MYL12A: variants seen among roughly 807,000 people sequenced by gnomAD.
MYL12A encodes the protein myosin regulatory light chain 12A.
In MYL12A, 11 loss-of-function variants were observed where a neutral mutation model predicts 13.3. The observed-to-expected ratio is 0.83, with a 90% CI of 0.52 to 1.37. MYL12A has a LOEUF of 1.37. Among genes scored for constraint, MYL12A ranks in the 40% most tolerant of loss-of-function variants. The probability of loss-of-function intolerance (pLI) is 0.00; values close to 1 mark genes in which losing one functional copy is unlikely to be tolerated. For synonymous variants in MYL12A, 51 were observed against 69.9 expected (o/e 0.73, Z 1.35); for missense variants, 146 against 212.3 (o/e 0.69, Z 1.94).
At chr18:3,252,810 G>T (rs764421766) in intron 1 of MYL12A, among the ~76,000 whole-genome samples, 37 of 152,010 alleles carry the variant, frequency 2.4e-4, no homozygotes, top group Non-Finnish European at 4.6e-4. Flanking sequence ...AGGAGATGAA[G>T]ACCTGTTCCA....
At chr18:3,252,926 A>G (rs717183) in intron 1 of MYL12A, among the ~76,000 whole-genome samples, 87,206 of 152,086 alleles carry the variant, frequency 0.57, 26,833 homozygotes, top group Admixed American at 0.69. Flanking sequence ...ATGAATTAGT[A>G]TCCCTCAGCA....
intron 2 of MYL12A, 127 bp from the exon 3 acceptor site, chr18:3,253,762 T>TG: frequency 9.2e-7 from 1 of 1,089,876 alleles, no homozygotes; most frequent in Non-Finnish European, 1.3e-6. Flanking sequence ...CCCAAATAGT[T>TG]TCACTCTCAT....
At chr18:3,253,123 A>T in intron 1 of MYL12A, 110 bp from the exon 2 acceptor site, 1 of 1,196,144 alleles carries the variant, frequency 8.4e-7, no homozygotes, top group Non-Finnish European at 1.2e-6. Context: ...AGTAGCTCAA[A>T]CATATCAGGA....
At position 3,255,746 on chromosome 18, in the gene MYL12A, G is replaced by A; in HGVS notation, c.344G>A (p.Gly115Asp). The change falls in exon 4 of 4, where the codon GGC (glycine) becomes GAC (aspartate). Residue 115 changes from glycine (G) to aspartate (D), a missense_variant and splice_region_variant. Coordinates refer to ENST00000217652, the MANE Select transcript of MYL12A (RefSeq NM_006471.4). ...TGATCCCTTGTTCTTTATTCTCCAGGCACCATACAGGAAGATTACTTGAGA... is the reference window on the plus strand; with the variant it reads ...TGATCCCTTGTTCTTTATTCTCCAGACACCATACAGGAAGATTACTTGAGA... Reference protein sequence around the residue: ...AFACFDEEATGTIQEDYLREL... With the variant: ...AFACFDEEATDTIQEDYLREL... 1 of 1,611,298 alleles carries A rather than the reference G, an allele frequency of 6.2e-7. No individual in the cohort carries two copies. Among genetic ancestry groups the A allele is most frequent in the Non-Finnish European group, 8.5e-7 (1 of 1,179,232 alleles).
chr18:3,251,744 C>T (rs1791108), intron 1 of MYL12A, among the ~76,000 whole-genome samples: 1,634 of 152,200 alleles, frequency 0.011, 31 homozygotes, highest in African/African-American at 0.038. Context: ...TCATGAAAGG[C>T]AGCATCCTAA....
At chr18:3,252,252 A>G in intron 1 of MYL12A, 1 of 1,292,104 alleles carries the variant, frequency 7.7e-7, no homozygotes, top group East Asian at 2.5e-5. Flanking sequence ...GAAGAATATA[A>G]CTCAATGCAG....
chr18:3,254,123 T>C (rs2081515238), intron 3 of MYL12A, 73 bp downstream of exon 3: 2 of 1,496,232 alleles, frequency 1.3e-6, no homozygotes, highest in Admixed American at 2.0e-5. Context: ...TACAGTAACT[T>C]AAAATATGAT....
rs746954283 is a variant in MYL12A at position 3,254,036 on chromosome 18, A to C, written c.329A>C (p.Asp110Ala). ...ATCAGAAATGCCTTTGCTTGCTTTGATGAAGAAGCAACTGGTAAGTGAGAG... is the reference window on the plus strand; with the variant it reads ...ATCAGAAATGCCTTTGCTTGCTTTGCTGAAGAAGCAACTGGTAAGTGAGAG... ...DVIRNAFACF[D>A]EEATGTIQED... The change falls in exon 3 of 4, where the codon GAT becomes GCT. Residue 110 changes from aspartate (D) to alanine (A), a missense_variant. By Grantham distance (126) the Asp-to-Ala change is moderately radical (BLOSUM62 -2). Transcript: ENST00000217652. The C allele has an allele frequency of 6.2e-7, 1 of 1,612,150 alleles. No homozygotes were observed. Among genetic ancestry groups the C allele is most frequent in the Non-Finnish European group, 8.5e-7 (1 of 1,179,404 alleles).
rs1272132720 is a variant in MYL12A, at chr18:3,255,747, C to T, written c.345C>T (p.Gly115=). Residue 115 remains glycine (G), a splice_region_variant and synonymous_variant, in exon 4 of 4, where the codon GGC becomes GGT. Coordinates refer to ENST00000217652, the MANE Select transcript of MYL12A (RefSeq NM_006471.4). ...GATCCCTTGTTCTTTATTCTCCAGG[C>T]ACCATACAGGAAGATTACTTGAGAG... ...AFACFDEEAT[G]TIQEDYLREL... is the part of the protein sequence containing the mutation. The T allele has an allele frequency of 1.6e-5, 25 of 1,611,380 alleles. No individual in the cohort carries two copies. Among genetic ancestry groups the T allele is most frequent in the Non-Finnish European group, 2.0e-5 (24 of 1,179,324 alleles).
At chr18:3,252,569 T>TAAAC in intron 1 of MYL12A, 1 of 882,494 alleles carries the variant, frequency 1.1e-6, no homozygotes, top group Non-Finnish European at 1.5e-6. Flanking sequence ...GATTTCTGTT[T>TAAAC]AGAGATCTTA....
chr18:3,249,540 T>C (rs533962846), intron 1 of MYL12A: 15 of 152,372 alleles, frequency 9.8e-5, no homozygotes, highest in African/African-American at 3.6e-4. Context: ...AAGCCTGTTC[T>C]GTAAGTCTCT....
chr18:3,255,608 A>T, intron 3 of MYL12A, 138 bp from the exon 4 acceptor site: 2 of 1,093,732 alleles, frequency 1.8e-6, no homozygotes, highest in Non-Finnish European at 1.3e-6. Context: ...TGTTTTAAGT[A>T]GGTGGACACC....
chr18:3,254,725 T>A lies in MYL12A; in HGVS notation c.343+675T>A, dbSNP rs1377530953. Among the ~76,000 whole-genome samples, 4 of 152,242 alleles carry A rather than the reference T, an allele frequency of 2.6e-5. No individual in the cohort carries two copies. In the East Asian group the frequency reaches 5.8e-4, roughly 22 times the overall value. On this transcript the variant is annotated intron_variant, in intron 3 of 3. Coordinates refer to ENST00000217652, the MANE Select transcript of MYL12A (RefSeq NM_006471.4). ...TCAAAAAAACAAAATGTTATCTATA[T>A]AGGGGCCTGATCCTTTGGCAGAAGT...
intron 1 of MYL12A, chr18:3,248,518 G>A (rs551455727): frequency 5.3e-5 from 8 of 152,206 alleles, no homozygotes; most frequent in Admixed American, 1.3e-4. Flanking sequence ...TCTTTTTAAA[G>A]TAGTTTAGTA....
chr18:3,253,622 G>A, intron 2 of MYL12A, 194 bp downstream of exon 2: 1 of 673,354 alleles, frequency 1.5e-6, no homozygotes, highest in South Asian at 2.2e-5. Context: ...TGGGGTTCGT[G>A]TGTGTGTGTG....
At chr18:3,254,096 T>A (rs910989886) in intron 3 of MYL12A, 46 bp downstream of exon 3, 6 of 1,582,812 alleles carry the variant, frequency 3.8e-6, no homozygotes, top group Admixed American at 3.7e-5. Context: ...TAATTTTTAG[T>A]TATGGTAACT....
chr18:3,250,594 T>C (rs967910551), intron 1 of MYL12A, among the ~76,000 whole-genome samples: 1 of 152,198 alleles, frequency 6.6e-6, no homozygotes, highest in African/African-American at 2.4e-5. Flanking sequence ...TCCAGCCTCC[T>C]TGAAAAAGTA....
rs777640134 is a variant in MYL12A at position 3,254,029 on chromosome 18, T to G, written c.322T>G (p.Cys108Gly). The change falls in exon 3 of 4, where the codon TGC becomes GGC. Residue 108 changes from cysteine to glycine, a missense_variant. Cys to Gly is a radical substitution (Grantham distance 159). Coordinates refer to ENST00000217652, the MANE Select transcript of MYL12A (RefSeq NM_006471.4). The part of the protein sequence containing the change: ...PEDVIRNAFA[C>G]FDEEATGTIQ... ...AGATGTCATCAGAAATGCCTTTGCT[T>G]GCTTTGATGAAGAAGCAACTGGTAA... The G allele has an allele frequency of 6.2e-7, 1 of 1,612,306 alleles. No homozygotes were observed. Among genetic ancestry groups the G allele is most frequent in the East Asian group, 2.2e-5 (1 of 44,882 alleles).
At chr18:3,254,139 T>G (rs2081515517) in intron 3 of MYL12A, 89 bp downstream of exon 3, 1 of 1,449,830 alleles carries the variant, frequency 6.9e-7, no homozygotes, top group Non-Finnish European at 9.4e-7. Flanking sequence ...ATGATAACGC[T>G]CTCAGGTTTG....
Sources: gnomAD v4.1 joint callset for allele counts (sites outside exome capture counted in the v4.1 genomes callset) on GRCh38, gnomAD v4.1.1 for gene constraint, MANE v1.5 for transcripts, NCBI Gene and HGNC (gene_info 2026-07-23, HGNC 2026-07-21) for gene names.